Variants in TMTC1 observed in about 807,000 individuals in gnomAD.
TMTC1 encodes the protein protein O-mannosyl-transferase TMTC1.
Under a neutral mutation model 104.8 loss-of-function variants are expected in TMTC1, and 73 were observed. The observed-to-expected ratio is 0.70, with a 90% CI of 0.58 to 0.85. The LOEUF (loss-of-function observed/expected upper bound fraction) is 0.85. TMTC1 is among the 40% of genes least tolerant of loss of function. The pLI is 0.00. For missense variants in TMTC1, 1,035 were observed against 1,096.1 expected, an observed-to-expected ratio of 0.94 and a Z score of 0.79; for synonymous variants, 434 against 428.7, an observed-to-expected ratio of 1.01 and a Z score of -0.15.
At chr12:29,581,026 G>A (rs1945965255) in intron 8 of TMTC1, among the ~76,000 whole-genome samples, 1 of 152,134 alleles carries the variant, frequency 6.6e-6, no homozygotes, top group African/African-American at 2.4e-5. Context: ...CTATACTCAG[G>A]AGATAAACAC....
At chr12:29,555,554 T>C (rs1437750467) in intron 10 of TMTC1, among the ~76,000 whole-genome samples, 1 of 152,094 alleles carries the variant, frequency 6.6e-6, no homozygotes, top group African/African-American at 2.4e-5. Flanking sequence ...AACTCCCAAT[T>C]ATGAGTGAGA....
At chr12:29,752,682 C>T (rs1943120027) in intron 4 of TMTC1, among the ~76,000 whole-genome samples, 3 of 151,208 alleles carry the variant, frequency 2.0e-5, no homozygotes, top group Admixed American at 2.0e-4. Flanking sequence ...AATACAGCTA[C>T]ATATATCAAC....
chr12:29,748,824 A>G (rs1379708998), intron 5 of TMTC1, among the ~76,000 whole-genome samples: 1 of 152,254 alleles, frequency 6.6e-6, no homozygotes, highest in Non-Finnish European at 1.5e-5. Flanking sequence ...CTTAAAAAAC[A>G]GCCATTATTA....
chr12:29,563,204 A>G (rs1176839989), intron 9 of TMTC1, among the ~76,000 whole-genome samples: 1 of 152,200 alleles, frequency 6.6e-6, no homozygotes, highest in East Asian at 1.9e-4. Context: ...GAGGCACCAG[A>G]GCAATTTTCT....
At position 29,716,195 on chromosome 12, in the gene TMTC1, A is replaced by T. The variant is rs573530997; in HGVS notation, c.938+35471T>A. 5.9e-4 allele frequency among the ~76,000 whole-genome samples: 90 copies of T among 151,874 alleles called. 1 individual carries two copies. The highest frequency in any genetic ancestry group is 2.1e-3 in the African/African-American group (86 of 41,426). On this transcript the variant is annotated intron_variant, in intron 5 of 17. Transcript: ENST00000539277. ...CACTACAACTGGCTAATTTTTAAAG[A>T]TTGTTTTGTTGAGATAGAATATTGC...
rs116598780 is a variant in TMTC1 at position 29,591,509 on chromosome 12, C to T, written c.1251-7935G>A. ...AAAACCTGGAGAGCCCAAAGCCAAACTCAGGCTGCTGACAGTGTGGTTTAG... is the reference window on the plus strand; with the variant it reads ...AAAACCTGGAGAGCCCAAAGCCAAATTCAGGCTGCTGACAGTGTGGTTTAG... On this transcript the variant is annotated intron_variant, in intron 7 of 17. Coordinates refer to ENST00000539277, the MANE Select transcript of TMTC1 (RefSeq NM_001193451.2). Among the ~76,000 whole-genome samples, 1,279 of 152,290 alleles carry T rather than the reference C, an allele frequency of 8.4e-3. 26 individuals are homozygous for T. The highest frequency in any genetic ancestry group is 0.029 in the African/African-American group (1,212 of 41,542).
intron 7 of TMTC1, among the ~76,000 whole-genome samples, chr12:29,592,865 G>C (rs775737671): frequency 3.9e-5 from 6 of 152,172 alleles, no homozygotes; most frequent in Non-Finnish European, 8.8e-5. Flanking sequence ...GCTAAATAGA[G>C]TAAGAAGCAG....
chr12:29,585,493 T>C (rs561905329), intron 7 of TMTC1, among the ~76,000 whole-genome samples: 1 of 152,312 alleles, frequency 6.6e-6, no homozygotes, highest in East Asian at 1.9e-4. Context: ...GCTTTTGGTG[T>C]TTTAGACATG....
intron 8 of TMTC1, among the ~76,000 whole-genome samples, chr12:29,582,700 A>G (rs969057628): frequency 9.2e-5 from 14 of 152,180 alleles, no homozygotes; most frequent in African/African-American, 2.9e-4. Context: ...CCCCCAAAGA[A>G]TAAGTGTTGG....
At chr12:29,512,958 A>T (rs180844084) in intron 16 of TMTC1, among the ~76,000 whole-genome samples, 1 of 152,342 alleles carries the variant, frequency 6.6e-6, no homozygotes, top group East Asian at 1.9e-4. Flanking sequence ...AAACAGGTCC[A>T]TCAAATAAAA....
chr12:29,757,990 T>C (rs1004998249), intron 3 of TMTC1, among the ~76,000 whole-genome samples: 1 of 152,012 alleles, frequency 6.6e-6, no homozygotes, highest in African/African-American at 2.4e-5. Flanking sequence ...GATTTGGGAG[T>C]TACAATTCAA....
At chr12:29,779,324 CA>C (rs1166227544) in intron 1 of TMTC1, among the ~76,000 whole-genome samples, 1 of 152,228 alleles carries the variant, frequency 6.6e-6, no homozygotes, top group African/African-American at 2.4e-5. Flanking sequence ...GATCATCTTG[CA>C]AAGGCAATTC....
intron 8 of TMTC1, among the ~76,000 whole-genome samples, chr12:29,579,211 A>G (rs949769634): frequency 1.3e-5 from 2 of 152,184 alleles, no homozygotes; most frequent in African/African-American, 4.8e-5. Context: ...TTAGAATTTC[A>G]CTATCACAAT....
At chr12:29,666,425 G>A (rs561855142) in intron 5 of TMTC1, among the ~76,000 whole-genome samples, 1 of 151,600 alleles carries the variant, frequency 6.6e-6, no homozygotes, top group Non-Finnish European at 1.5e-5. Flanking sequence ...AGTAGAGACG[G>A]GGTTTCACTG....
At chr12:29,640,046 CG>C (rs970104785) in intron 5 of TMTC1, among the ~76,000 whole-genome samples, 62 of 152,262 alleles carry the variant, frequency 4.1e-4, no homozygotes, top group African/African-American at 1.4e-3. Flanking sequence ...TGGGGCATTC[CG>C]GGGCCGAGAC....
Position 29,783,234 on chromosome 12 carries a change from C to T in TMTC1, c.302+216G>A, listed in dbSNP as rs1014052942. ...GTTGAGAAACTCGATCCCAACTCCCCAGCCGGCGCCTCCCGAACCGCCCCG... is the reference window on the plus strand; with the variant it reads ...GTTGAGAAACTCGATCCCAACTCCCTAGCCGGCGCCTCCCGAACCGCCCCG... On this transcript the variant is annotated intron_variant, in intron 1 of 17. Transcript: ENST00000539277. This position sits in a 1 kb window ranked among gnomAD's most constrained non-coding sequence, Gnocchi z 4.7. Among the ~76,000 whole-genome samples, 1 of 152,188 alleles carries T rather than the reference C, an allele frequency of 6.6e-6. No homozygotes were observed. The highest frequency in any genetic ancestry group is 2.4e-5 in the African/African-American group (1 of 41,460).
At position 29,550,243 on chromosome 12, in the gene TMTC1, G is replaced by T. The variant is rs374186474; in HGVS notation, c.1676+6614C>A. On this transcript the variant is annotated intron_variant, in intron 10 of 17. Coordinates refer to ENST00000539277, the MANE Select transcript of TMTC1 (RefSeq NM_001193451.2). ...GGTTGGCCTTGTCAGGCAGGTAAATGTTGGTAAAAGTGTGAAAGAGTCTAA... is the reference window on the plus strand; with the variant it reads ...GGTTGGCCTTGTCAGGCAGGTAAATTTTGGTAAAAGTGTGAAAGAGTCTAA... 1.4e-4 allele frequency among the ~76,000 whole-genome samples: 21 copies of T among 152,278 alleles called. No homozygotes were observed. In the East Asian group the frequency reaches 3.3e-3, roughly 24 times the overall value.
chr12:29,645,489 C>A (rs1329439402), intron 5 of TMTC1, among the ~76,000 whole-genome samples: 2 of 152,160 alleles, frequency 1.3e-5, no homozygotes, highest in East Asian at 1.9e-4. Context: ...TGACCTTTTA[C>A]ATGTGCCATT....
At chr12:29,602,991 T>C (rs563899544) in intron 7 of TMTC1, among the ~76,000 whole-genome samples, 13 of 152,336 alleles carry the variant, frequency 8.5e-5, no homozygotes, top group Non-Finnish European at 7.4e-5. Context: ...ATGCCACTTT[T>C]TGGTCTTCTA....
Sources: gnomAD v4.1 joint callset for allele counts (sites outside exome capture counted in the v4.1 genomes callset) on GRCh38, gnomAD v4.1.1 for gene constraint, Gnocchi (gnomAD v3.1) non-coding constraint, MANE v1.5 for transcripts, NCBI Gene and HGNC (gene_info 2026-07-23, HGNC 2026-07-21) for gene names.